The following ATM variants were observed in gnomAD, a reference collection of about 807,000 sequenced individuals.
ATM encodes the protein serine-protein kinase ATM.
ATM carries 308 observed loss-of-function variants against 387.0 expected under a neutral mutation model. The observed-to-expected ratio is 0.80, with a 90% CI of 0.73 to 0.87. The LOEUF (loss-of-function observed/expected upper bound fraction) is 0.87. ATM is among the 40% of genes least tolerant of loss of function. The pLI is 0.00. For synonymous variants in ATM, 1,156 were observed against 1,187.3 expected, an observed-to-expected ratio of 0.97 and a Z score of 0.54; for missense variants, 3,312 against 3,560.9, an observed-to-expected ratio of 0.93 and a Z score of 1.78.
chr11:108,282,977 T>C, intron 25 of ATM, 98 bp downstream of exon 25: 25 of 748,240 alleles, frequency 3.3e-5, no homozygotes, highest in Non-Finnish European at 5.0e-5. Flanking sequence ...ACCATACCCA[T>C]ACACATGTGT....
chr11:108,360,635 G>C lies in ATM; in HGVS notation c.8851-4447G>C, dbSNP rs1488644861. Among the ~76,000 whole-genome samples the C allele has an allele frequency of 4.7e-5, 7 of 149,884 alleles. No homozygotes were observed. In the East Asian group the frequency reaches 1.4e-3, roughly 29 times the overall value. On this transcript the variant is annotated intron_variant, in intron 61 of 62. Coordinates refer to ENST00000675843, the MANE Select transcript of ATM (RefSeq NM_000051.4). ...GCTTCATCCCTGGGATTCAAGGCTG[G>C]TTCAATATATGCAAATCAATAAATG...
chr11:108,312,012 TTATATCTG>T (rs1490202070), intron 39 of ATM, among the ~76,000 whole-genome samples: 1 of 152,208 alleles, frequency 6.6e-6, no homozygotes, highest in Non-Finnish European at 1.5e-5. Context: ...TGTCTTAAAT[TTATATCTG>T]TTAAGTATTA....
chr11:108,272,963 GTATA>G, intron 22 of ATM, 111 bp downstream of exon 22: 1 of 1,333,524 alleles, frequency 7.5e-7, no homozygotes, highest in Non-Finnish European at 1.1e-6. Context: ...CACTTGTTGA[GTATA>G]TACGGTGTGC....
At chr11:108,285,116 C>G (rs2082425267) in intron 26 of ATM, among the ~76,000 whole-genome samples, 1 of 152,054 alleles carries the variant, frequency 6.6e-6, no homozygotes, top group Non-Finnish European at 1.5e-5. Context: ...CGCACCACCA[C>G]ACCCAGCTAA....
chr11:108,235,912 C>T (rs940235734), intron 5 of ATM, 78 bp downstream of exon 5: 15 of 1,507,576 alleles, frequency 9.9e-6, no homozygotes, highest in Non-Finnish European at 1.4e-5. Flanking sequence ...CTGTCTGTAT[C>T]TGTCTATATC....
intron 55 of ATM, 40 bp downstream of exon 55, chr11:108,335,149 G>A (rs1447945291): frequency 6.2e-7 from 1 of 1,612,986 alleles, no homozygotes; most frequent in Admixed American, 1.7e-5. Context: ...TAGAGTTTTA[G>A]TGATGAAAAT....
intron 39 of ATM, among the ~76,000 whole-genome samples, chr11:108,310,923 A>G (rs974964756): frequency 6.6e-6 from 1 of 152,178 alleles, no homozygotes; most frequent in Non-Finnish European, 1.5e-5. Flanking sequence ...AAGTAAGAGT[A>G]AAAAATAAAG....
Position 108,284,478 on chromosome 11 carries a change from G to T in ATM, c.3993+5G>T, listed in dbSNP as rs3092842. On this transcript the variant is annotated splice_donor_5th_base_variant and intron_variant, in intron 26 of 62. Transcript: ENST00000675843. ...GAAAACTTATTGGGAAAACAGGTAT[G>T]GCTTCAATTTTTATGTACTTTTCAT... is the stretch of plus-strand genomic sequence containing the variant. The T allele has an allele frequency of 5.0e-4, 812 of 1,613,672 alleles. 3 individuals carry two copies. In the African/African-American group the frequency reaches 9.7e-3, roughly 19 times the overall value.
rs144528363 is a variant in ATM, at chr11:108,274,293, T to A, written c.3284+1441T>A. On this transcript the variant is annotated intron_variant, in intron 22 of 62. Transcript: ENST00000675843. ...TCTTGCTAGCGGTCTGTTTTGTTAA[T>A]CTTTTCAAAAAATCAGCTCCTGGAT... Among the ~76,000 whole-genome samples, 308 of 152,338 alleles carry A rather than the reference T, an allele frequency of 2.0e-3. 2 individuals are homozygous for A. Among genetic ancestry groups the A allele is most frequent in the African/African-American group, 7.0e-3 (289 of 41,572 alleles).
chr11:108,296,123 T>C lies in ATM; in HGVS notation c.4909+1064T>C, dbSNP rs2083106027. ...TATGTGTTATGTGTGTCTATATATA[T>C]GTAAGTATGTATTTGTAAGTTTTTC... On this transcript the variant is annotated intron_variant, in intron 32 of 62. Transcript: ENST00000675843. 3 of 152,240 alleles carry C rather than the reference T, an allele frequency of 2.0e-5. No homozygotes were observed. The South Asian group carries it at 6.2e-4, about 31-fold the overall frequency. 9.4% of individuals were successfully genotyped at this position (152,240 alleles called of 1,614,324 possible).
At chr11:108,354,932 T>A (rs547667907) in intron 61 of ATM, 58 bp downstream of exon 61, 2 of 1,429,470 alleles carry the variant, frequency 1.4e-6, no homozygotes, top group Non-Finnish European at 2.0e-6. Context: ...ACTGTGTATC[T>A]CATCAGGAAG....
At chr11:108,293,873 G>A (rs2082953451) in intron 31 of ATM, among the ~76,000 whole-genome samples, 1 of 83,636 alleles carries the variant, frequency 1.2e-5, no homozygotes, top group African/African-American at 5.0e-5. Flanking sequence ...GTGAGACCCT[G>A]TCTCAAAAAA....
chr11:108,319,838 T>G (rs971488187), intron 43 of ATM, 116 bp from the exon 44 acceptor site: 1 of 727,158 alleles, frequency 1.4e-6, no homozygotes, highest in Non-Finnish European at 2.3e-6. Flanking sequence ...AGAAATGCAT[T>G]TTTTAGAATG....
At position 108,252,068 on chromosome 11, in the gene ATM, G is replaced by C. The variant is rs1312643150; in HGVS notation, c.1802+37G>C. On this transcript the variant is annotated intron_variant, in intron 11 of 62. Transcript: ENST00000675843. The stretch of plus-strand genomic sequence containing the variant: ...TCATTAGCATGCTGCTGTTTTTTTT[G>C]TTTGTTTTATCAGGCTCTCTCCACT... 5 of 1,579,002 alleles carry C rather than the reference G, an allele frequency of 3.2e-6. No homozygotes were observed. In the East Asian group the frequency reaches 1.1e-4, roughly 35 times the overall value.
At chr11:108,233,534 A>G (rs1401670191) in intron 4 of ATM, among the ~76,000 whole-genome samples, 1 of 143,492 alleles carries the variant, frequency 7.0e-6, no homozygotes, top group African/African-American at 2.6e-5. Context: ...ATGCTATTGC[A>G]CTCCAGTCTG....
intron 16 of ATM, among the ~76,000 whole-genome samples, chr11:108,260,755 G>C (rs2080817910): frequency 6.6e-6 from 1 of 152,214 alleles, no homozygotes; most frequent in African/African-American, 2.4e-5. Context: ...GGGAGTGCCA[G>C]ACAGTGGGCG....
rs905096677 is a variant in ATM at position 108,368,992 on chromosome 11, C to A, written c.*3484C>A. 1 of 184,386 alleles carries A rather than the reference C, an allele frequency of 5.4e-6. No individual in the cohort carries two copies. Among genetic ancestry groups the A allele is most frequent in the Non-Finnish European group, 1.1e-5 (1 of 87,100 alleles). The allele number at this position is 184,386 out of a possible 1,614,324, so 11.4% of individuals were successfully genotyped here. ...CCCAATTTCAAGTATTTTAATTGCA[C>A]CTTAATGAAATTATCTATTTTCTAT... On this transcript the variant is annotated 3_prime_UTR_variant, in exon 63 of 63. Coordinates refer to ENST00000675843, the MANE Select transcript of ATM (RefSeq NM_000051.4).
chr11:108,356,355 G>A (rs2089920436), intron 61 of ATM, among the ~76,000 whole-genome samples: 1 of 152,028 alleles, frequency 6.6e-6, no homozygotes, highest in African/African-American at 2.4e-5. Context: ...GGCCAACATG[G>A]TGAAACCCCG....
intron 28 of ATM, 120 bp downstream of exon 28, chr11:108,289,223 A>G (rs1304052875): frequency 9.6e-7 from 1 of 1,042,370 alleles, no homozygotes; most frequent in African/African-American, 1.6e-5. Context: ...ATAATTAAAA[A>G]GGAAAACATT....
Sources: gnomAD v4.1 joint callset for allele counts (sites outside exome capture counted in the v4.1 genomes callset) on GRCh38, gnomAD v4.1.1 for gene constraint, MANE v1.5 for transcripts, NCBI Gene and HGNC (gene_info 2026-07-23, HGNC 2026-07-21) for gene names.